Variants in REEP1 observed in about 807,000 individuals in gnomAD.
The protein encoded by REEP1 is receptor accessory protein 1, also known as receptor expression-enhancing protein 1.
A neutral mutation model predicts 40.3 loss-of-function variants in REEP1; 22 were observed. The ratio of observed to expected loss-of-function variants is 0.55; its 90% CI spans 0.39 to 0.78. The LOEUF is 0.78. Among genes scored for constraint, REEP1 ranks in the 30% least tolerant of loss-of-function variants. REEP1 has a pLI of 0.00. For synonymous variants in REEP1, 116 were observed against 139.2 expected (o/e 0.83, Z 1.17); for missense variants, 280 against 361.1 (o/e 0.78, Z 1.82).
rs556742508 is a variant in REEP1 at position 86,332,282 on chromosome 2, G to A, written c.32+5197C>T. 8.6e-5 allele frequency among the ~76,000 whole-genome samples: 13 copies of A among 151,990 alleles called. 1 individual carries two copies. The South Asian group carries it at 2.1e-3, about 24-fold the overall frequency. The stretch of plus-strand genomic sequence containing the variant: ...CACCCCCCTCTCCTTACTTCTTTTC[G>A]GGGGTTGGAAAAACTCCCCCAGACT... On this transcript the variant is annotated intron_variant, in intron 1 of 8. Coordinates refer to ENST00000538924, the MANE Select transcript of REEP1 (RefSeq NM_001371279.1).
At chr2:86,236,140 C>CG (rs1675309494) in intron 5 of REEP1, among the ~76,000 whole-genome samples, 1 of 151,552 alleles carries the variant, frequency 6.6e-6, no homozygotes, top group Non-Finnish European at 1.5e-5. Flanking sequence ...CTTTTGAACC[C>CG]GGGAGGTGGA....
chr2:86,239,878 A>C (rs1675578154), intron 5 of REEP1: 1 of 152,364 alleles, frequency 6.6e-6, no homozygotes, highest in Admixed American at 6.5e-5. Flanking sequence ...CACATGGATT[A>C]ACACACATGC....
upstream of REEP1, chr2:86,337,671 C>T (rs1174849332): frequency 3.3e-5 from 33 of 1,012,856 alleles, no homozygotes; most frequent in Admixed American, 1.2e-4. The surrounding 1 kb of genome is among the most constrained non-coding windows in gnomAD (Gnocchi z 5.8). Context: ...TTGGCGCAGC[C>T]GCGGCACGTT....
intron 1 of REEP1, among the ~76,000 whole-genome samples, chr2:86,292,867 T>C (rs971037936): frequency 6.6e-6 from 1 of 152,142 alleles, no homozygotes; most frequent in Non-Finnish European, 1.5e-5. Context: ...TGATGTCCTC[T>C]GCCAGGGCCC....
At chr2:86,303,028 A>C (rs1679320651) in intron 1 of REEP1, among the ~76,000 whole-genome samples, 1 of 152,076 alleles carries the variant, frequency 6.6e-6, no homozygotes, top group South Asian at 2.1e-4. Context: ...GCTGAAGCTG[A>C]ATTGCTTTTT....
chr2:86,252,219 G>C, intron 4 of REEP1, 149 bp from the exon 5 acceptor site: 1 of 703,402 alleles, frequency 1.4e-6, no homozygotes, highest in Non-Finnish European at 2.6e-6. Flanking sequence ...GAAGGTGTGC[G>C]TGCAGAGGGG....
At chr2:86,267,785 T>G (rs572157549) in intron 2 of REEP1, among the ~76,000 whole-genome samples, 18 of 147,800 alleles carry the variant, frequency 1.2e-4, no homozygotes, top group Admixed American at 4.0e-4. Context: ...TGGTAGAAAA[T>G]ATTTGCACAT....
At chr2:86,306,099 C>T (rs1679467772) in intron 1 of REEP1, among the ~76,000 whole-genome samples, 2 of 149,052 alleles carry the variant, frequency 1.3e-5, no homozygotes, top group Non-Finnish European at 3.0e-5. Flanking sequence ...CATTTCATTC[C>T]CTCCCTCCCC....
intron 1 of REEP1, among the ~76,000 whole-genome samples, chr2:86,319,023 G>A (rs17027144): frequency 0.015 from 2,341 of 152,218 alleles, 47 homozygotes; most frequent in African/African-American, 0.05. Context: ...AAGTAAAAGC[G>A]GAGCCCCAGA....
intron 8 of REEP1, among the ~76,000 whole-genome samples, chr2:86,217,689 T>A (rs1674199247): frequency 6.7e-6 from 1 of 150,222 alleles, no homozygotes. Flanking sequence ...TTTTTTCAGA[T>A]TTTGGGATGT....
chr2:86,247,922 T>G (rs867909250), intron 5 of REEP1, among the ~76,000 whole-genome samples: 1 of 152,122 alleles, frequency 6.6e-6, no homozygotes, highest in Non-Finnish European at 1.5e-5. Context: ...CCACAATTCA[T>G]GATGATACAA....
At chr2:86,337,942 C>T (rs993348109), upstream of REEP1, 8 of 1,336,978 alleles carry the variant, frequency 6.0e-6, no homozygotes, top group African/African-American at 1.2e-4. The surrounding 1 kb of genome is among the most constrained non-coding windows in gnomAD (Gnocchi z 5.8). Flanking sequence ...GAACCTGAAC[C>T]TCGGGAATCT....
intron 5 of REEP1, among the ~76,000 whole-genome samples, chr2:86,236,737 AAT>A (rs1491174173): frequency 1.5e-5 from 2 of 136,260 alleles, no homozygotes; most frequent in Non-Finnish European, 3.2e-5. Context: ...GATTTTCATC[AAT>A]TTTTTTTTTT....
In REEP1 at chr2:86,254,812, A is replaced by C. The variant is rs1676464000; in HGVS notation, c.185T>G (p.Phe62Cys). Residue 62 changes from phenylalanine to cysteine, a missense_variant and splice_region_variant, in exon 4 of 9, where the codon TTT becomes TGT. Transcript: ENST00000538924. The stretch of plus-strand genomic sequence containing the variant: ...TATTTTTAGTTCATAATAGAATGGA[A>C]ACCTGGAGAGAGAGATGAAAACACA... Reference protein sequence around the residue: ...ETFTDIFLCWFPFYYELKIAF... With the variant: ...ETFTDIFLCWCPFYYELKIAF... The C allele has an allele frequency of 6.2e-7, 1 of 1,613,924 alleles. No individual in the cohort carries two copies. Among genetic ancestry groups the C allele is most frequent in the African/African-American group, 1.3e-5 (1 of 74,918 alleles).
chr2:86,244,615 A>G, intron 5 of REEP1, among the ~76,000 whole-genome samples: 1 of 152,192 alleles, frequency 6.6e-6, no homozygotes. Context: ...GGGTGCTGCT[A>G]TAGGCTGAGT....
intron 3 of REEP1, among the ~76,000 whole-genome samples, chr2:86,259,531 G>A (rs1676745678): frequency 6.6e-6 from 1 of 151,674 alleles, no homozygotes; most frequent in Admixed American, 6.6e-5. Flanking sequence ...GACAACAGGT[G>A]CTGCACCACC....
chr2:86,288,450 T>C (rs929418553), intron 1 of REEP1, among the ~76,000 whole-genome samples: 1 of 152,178 alleles, frequency 6.6e-6, no homozygotes, highest in African/African-American at 2.4e-5. Flanking sequence ...GCCACCTGCA[T>C]CCAGTTTTTT....
intron 2 of REEP1, among the ~76,000 whole-genome samples, chr2:86,265,372 T>A (rs1298491022): frequency 2.0e-5 from 3 of 152,090 alleles, no homozygotes; most frequent in African/African-American, 4.8e-5. Context: ...CACTAAGAGA[T>A]TAACTCTATG....
At chr2:86,311,468 G>A (rs1199626268) in intron 1 of REEP1, among the ~76,000 whole-genome samples, 1 of 152,118 alleles carries the variant, frequency 6.6e-6, no homozygotes, top group East Asian at 1.9e-4. Flanking sequence ...TGAGGGCCAC[G>A]TTCCCTCTGG....
Sources: gnomAD v4.1 joint callset for allele counts (sites outside exome capture counted in the v4.1 genomes callset) on GRCh38, gnomAD v4.1.1 for gene constraint, Gnocchi (gnomAD v3.1) non-coding constraint, MANE v1.5 for transcripts, NCBI Gene and HGNC (gene_info 2026-07-23, HGNC 2026-07-21) for gene names.